ATF6: variants seen among roughly 807,000 people sequenced by gnomAD.
ATF6 encodes activating transcription factor 6.
A neutral mutation model predicts 83.6 loss-of-function variants in ATF6; 53 were observed. The ratio of observed to expected loss-of-function variants is 0.63; its 90% CI spans 0.51 to 0.80. The LOEUF (loss-of-function observed/expected upper bound fraction) is 0.80, where lower values mean the gene tolerates loss of function less well. ATF6 is among the 30% of genes least tolerant of loss of function. The pLI is 0.00. For synonymous variants in ATF6, 288 were observed against 285.8 expected (o/e 1.01, Z -0.08); for missense variants, 744 against 797.9 (o/e 0.93, Z 0.81).
In ATF6 at chr1:161,770,929, A is replaced by G. The variant is rs146622022; in HGVS notation, c.82+4487A>G. Among the ~76,000 whole-genome samples, 577 of 152,364 alleles carry G rather than the reference A, an allele frequency of 3.8e-3. 6 individuals are homozygous for G. Among genetic ancestry groups the G allele is most frequent in the African/African-American group, 0.013 (531 of 41,580 alleles). ...TGCCAAACTGTCTTCCAAAGTGGCTATACCATTTTGCATTCCCGCTAGCAA... is the reference window on the plus strand; with the variant it reads ...TGCCAAACTGTCTTCCAAAGTGGCTGTACCATTTTGCATTCCCGCTAGCAA... On this transcript the variant is annotated intron_variant, in intron 1 of 15. Transcript: ENST00000367942.
At chr1:161,933,429 A>G (rs1354621498) in intron 15 of ATF6, among the ~76,000 whole-genome samples, 1 of 152,244 alleles carries the variant, frequency 6.6e-6, no homozygotes, top group Non-Finnish European at 1.5e-5. Context: ...GTTGTAAGAC[A>G]CAATTAGAAT....
chr1:161,896,036 T>C (rs755142747), intron 14 of ATF6, among the ~76,000 whole-genome samples: 30 of 152,218 alleles, frequency 2.0e-4, no homozygotes, highest in Admixed American at 3.9e-4. Context: ...ACTATACTGC[T>C]AACACATAGA....
chr1:161,767,095 G>A (rs928235808), intron 1 of ATF6, among the ~76,000 whole-genome samples: 6 of 152,130 alleles, frequency 3.9e-5, no homozygotes, highest in Non-Finnish European at 8.8e-5. Context: ...GTGGAAATGA[G>A]AATGAAGAAA....
At chr1:161,826,722 A>G (rs1685909282) in intron 9 of ATF6, among the ~76,000 whole-genome samples, 1 of 152,210 alleles carries the variant, frequency 6.6e-6, no homozygotes, top group South Asian at 2.1e-4. Flanking sequence ...TATCTTTGAC[A>G]CCAACAAGGA....
At chr1:161,791,110 G>GTCTC (rs1346743526) in intron 4 of ATF6, among the ~76,000 whole-genome samples, 1 of 146,728 alleles carries the variant, frequency 6.8e-6, no homozygotes, top group African/African-American at 2.6e-5. Context: ...GTGTCTCTGT[G>GTCTC]TGTGTGTGTG....
At chr1:161,870,500 C>T (rs1240717300) in intron 14 of ATF6, among the ~76,000 whole-genome samples, 1 of 151,798 alleles carries the variant, frequency 6.6e-6, no homozygotes. Flanking sequence ...TAGAGCTTCT[C>T]ATAGAAAAGA....
intron 15 of ATF6, among the ~76,000 whole-genome samples, chr1:161,928,450 T>G (rs1688363888): frequency 6.6e-6 from 1 of 152,138 alleles, no homozygotes; most frequent in Non-Finnish European, 1.5e-5. Context: ...TCCCCACCAG[T>G]ATGTTAAAAT....
chr1:161,791,878 T>C (rs1202095363), intron 5 of ATF6, among the ~76,000 whole-genome samples: 2 of 152,238 alleles, frequency 1.3e-5, no homozygotes, highest in African/African-American at 4.8e-5. Context: ...ATTTTAGCAA[T>C]TCTCCTTTAC....
rs1044135751 is a variant in ATF6, at chr1:161,963,704, T to C, written c.*5050T>C. On this transcript the variant is annotated 3_prime_UTR_variant, in exon 16 of 16. Transcript: ENST00000367942. ...CCAGTCACCAGGACAGAGGAGATGA[T>C]GGGGAAACAGAGCTTTAGATGAAAA... is the stretch of plus-strand genomic sequence containing the variant. 7.9e-5 allele frequency: 12 copies of C among 152,206 alleles called. No homozygotes were observed. The highest frequency in any genetic ancestry group is 2.9e-4 in the African/African-American group (12 of 41,434). 9.4% of individuals were successfully genotyped at this position (152,206 alleles called of 1,614,324 possible). A position where few individuals can be genotyped will look rare whatever the true frequency, so the allele number is the denominator to read the frequency against.
rs375557608 is a variant in ATF6, at chr1:161,958,430, A to G, written c.1805-16A>G. The stretch of plus-strand genomic sequence containing the variant: ...TCTGTTGAATATTTATTCTTTGTGT[A>G]TATTCCTGTCTGCAGAGAATGTGAT... On this transcript the variant is annotated splice_polypyrimidine_tract_variant and intron_variant, in intron 15 of 15. Coordinates refer to ENST00000367942, the MANE Select transcript of ATF6 (RefSeq NM_007348.4). 46 of 1,580,944 alleles carry G rather than the reference A, an allele frequency of 2.9e-5. No homozygotes were observed. In the South Asian group the frequency reaches 3.4e-4, roughly 12 times the overall value.
chr1:161,794,195 C>T (rs767404062), intron 6 of ATF6, among the ~76,000 whole-genome samples: 2 of 151,992 alleles, frequency 1.3e-5, no homozygotes, highest in Non-Finnish European at 2.9e-5. Context: ...TGAGCCACCG[C>T]GCCTGGTGCC....
At chr1:161,870,389 G>A (rs538448617) in intron 14 of ATF6, among the ~76,000 whole-genome samples, 46 of 151,900 alleles carry the variant, frequency 3.0e-4, no homozygotes, top group African/African-American at 1.1e-3. Flanking sequence ...TTTTAAAACA[G>A]TGTCTGAAAT....
chr1:161,956,525 A>G (rs1688970548), intron 15 of ATF6, among the ~76,000 whole-genome samples: 1 of 152,246 alleles, frequency 6.6e-6, no homozygotes, highest in African/African-American at 2.4e-5. Flanking sequence ...TTATTTCTGT[A>G]AAGATAAGTA....
intron 10 of ATF6, among the ~76,000 whole-genome samples, chr1:161,851,248 AC>A (rs1686617475): frequency 4.2e-5 from 6 of 143,910 alleles, no homozygotes; most frequent in Non-Finnish European, 9.2e-5. Flanking sequence ...ACACACACAC[AC>A]ACACACACAC....
rs569644846 is a variant in ATF6, at chr1:161,860,167, G to A, written c.1534-40G>A. ...GTATAGGAAGATTTCATATAATTTT[G>A]TGATACAGTATTAAACTTTTTTTTT... On this transcript the variant is annotated intron_variant, in intron 12 of 15. Coordinates refer to ENST00000367942, the MANE Select transcript of ATF6 (RefSeq NM_007348.4). 49 of 1,405,228 alleles carry A rather than the reference G, an allele frequency of 3.5e-5. No homozygotes were observed. In the African/African-American group the frequency reaches 6.7e-4, roughly 19 times the overall value. 87.0% of individuals were successfully genotyped at this position (1,405,228 alleles called of 1,614,324 possible).
At chr1:161,846,723 C>T (rs1686494983) in intron 10 of ATF6, 143 bp downstream of exon 10, 1 of 787,850 alleles carries the variant, frequency 1.3e-6, no homozygotes, top group South Asian at 3.8e-5. Flanking sequence ...ACCATTAATA[C>T]ATTTTACTTT....
intron 9 of ATF6, among the ~76,000 whole-genome samples, chr1:161,829,860 A>G (rs193051085): frequency 0.28 from 42,889 of 151,954 alleles, 7,460 homozygotes; most frequent in South Asian, 0.41. Context: ...CTGAATGGGC[A>G]AAAACTGGAA....
intron 6 of ATF6, among the ~76,000 whole-genome samples, chr1:161,795,801 A>C (rs1352152042): frequency 6.6e-6 from 1 of 152,208 alleles, no homozygotes; most frequent in Non-Finnish European, 1.5e-5. Context: ...AATTCTTTGC[A>C]TTGTAGTTTG....
rs555720222 is a variant in ATF6, at chr1:161,776,851, G to A, written c.83-1393G>A. ...TGGTATATAGATTTTATTTAAAGCC[G>A]TGAGCTCAGCTGAGATTACCAAGGA... On this transcript the variant is annotated intron_variant, in intron 1 of 15. Coordinates refer to ENST00000367942, the MANE Select transcript of ATF6 (RefSeq NM_007348.4). Among the ~76,000 whole-genome samples, 6 of 152,270 alleles carry A rather than the reference G, an allele frequency of 3.9e-5. No homozygotes were observed. The Middle Eastern group carries it at 0.014, about 345-fold the overall frequency.
Sources: allele counts gnomAD v4.1 joint callset (sites outside exome capture counted in the v4.1 genomes callset), GRCh38; gene constraint gnomAD v4.1.1; transcripts MANE v1.5; gene names NCBI Gene and HGNC (gene_info 2026-07-23, HGNC 2026-07-21).